ARHGEF25: variants seen among roughly 807,000 people sequenced by gnomAD.
ARHGEF25 encodes Rho guanine nucleotide exchange factor 25.
Under a neutral mutation model 74.0 loss-of-function variants are expected in ARHGEF25, and 42 were observed. The ratio of observed to expected loss-of-function variants is 0.57; its 90% CI spans 0.44 to 0.73. ARHGEF25 has a LOEUF of 0.73. Ranked by LOEUF, ARHGEF25 falls within the 30% of genes least tolerant of loss-of-function variation. The pLI is 0.00. For synonymous variants in ARHGEF25, 293 were observed against 278.6 expected (o/e 1.05, Z -0.51); for missense variants, 645 against 725.5 (o/e 0.89, Z 1.27).
chr12:57,615,650 G>C lies in ARHGEF25; in HGVS notation c.1177G>C (p.Ala393Pro). 6.2e-7 allele frequency: 1 copy of C among 1,614,184 alleles called. No individual in the cohort carries two copies. The highest frequency in any genetic ancestry group is 1.1e-5 in the South Asian group (1 of 91,084). Residue 393 changes from alanine to proline, a missense_variant, in exon 12 of 15, where the codon GCC becomes CCC. By Grantham distance (27) the Ala-to-Pro change is conservative (BLOSUM62 -1). This residue lies in a region of ARHGEF25 where 262 missense variants were observed against 256.9 expected (regional missense o/e 1.02). Coordinates refer to ENST00000286494, the MANE Select transcript of ARHGEF25 (RefSeq NM_182947.4). ...TGAGCAAATCATCATCTTCAGTGAA[G>C]CCCTGGGAGGAGGAGTGAGAGGTGG... is the stretch of plus-strand genomic sequence containing the variant. ...LFEQIIIFSEALGGGVRGGTQ... is the reference protein window; with the variant it reads ...LFEQIIIFSEPLGGGVRGGTQ...
In ARHGEF25 at chr12:57,615,440, C is replaced by T. The variant is rs541242641; in HGVS notation, c.1039-72C>T. On this transcript the variant is annotated intron_variant, in intron 11 of 14. Coordinates refer to ENST00000286494, the MANE Select transcript of ARHGEF25 (RefSeq NM_182947.4). ...CCCATGGTTGGTTGGGCATGTCAGGCGAGGAAGGGAGGAGCAGAGAATTGT... is the reference window on the plus strand; with the variant it reads ...CCCATGGTTGGTTGGGCATGTCAGGTGAGGAAGGGAGGAGCAGAGAATTGT... The T allele has an allele frequency of 2.5e-4, 399 of 1,599,942 alleles. 1 individual carries two copies. The highest frequency in any genetic ancestry group is 6.7e-4 in the East Asian group (30 of 44,692).
rs1189704728 is a variant in ARHGEF25 at position 57,616,465 on chromosome 12, G to A, written c.1602G>A (p.Val534=). The A allele has an allele frequency of 2.5e-6, 4 of 1,614,100 alleles. No homozygotes were observed. The highest frequency in any genetic ancestry group is 3.4e-6 in the Non-Finnish European group (4 of 1,180,020). The change falls in exon 14 of 15, where the codon GTG becomes GTA. Residue 534 remains valine (V), a synonymous_variant. Transcript: ENST00000286494. ...TGCTGCTGTCACCCAAAGGGGAGGT[G>A]GCCAGAGCCCTCTTGCCACTGGATA... is the stretch of plus-strand genomic sequence containing the variant. ...PSLLLSPKGE[V]ARALLPLDKQ...
intron 5 of ARHGEF25, 61 bp downstream of exon 5, chr12:57,613,821 T>C (rs1439780551): frequency 2.5e-6 from 4 of 1,590,450 alleles, no homozygotes; most frequent in Non-Finnish European, 3.4e-6. Flanking sequence ...CCAGGGCTAT[T>C]TTCAGGAGGT....
chr12:57,613,499 G>A lies in ARHGEF25; in HGVS notation c.468G>A (p.Lys156=), dbSNP rs542498887. 13 of 1,614,228 alleles carry A rather than the reference G, an allele frequency of 8.1e-6. No homozygotes were observed. The African/African-American group carries it at 1.7e-4, about 22-fold the overall frequency. The change falls in exon 4 of 15, where the codon AAG becomes AAA. Residue 156 remains lysine (K), a synonymous_variant. Coordinates refer to ENST00000286494, the MANE Select transcript of ARHGEF25 (RefSeq NM_182947.4). ...AGAGTGAGGAGGAACAGAAGAAGAA[G>A]GCTCTGGAAAGGAGTATGTAAGTGT... ...APESEEEQKK[K]ALERSMYVLS...
At position 57,613,050 on chromosome 12, in the gene ARHGEF25, G is replaced by C. The variant is rs551752562; in HGVS notation, c.218G>C (p.Gly73Ala). ...GGCCCCTGTTCCCCAGGCCCCCCAG[G>C]GCCCGTCAGTGGCCTGAGGAGATGG... is the stretch of plus-strand genomic sequence containing the variant. ...SSGPCSPGPP[G>A]PVSGLRRWLD... Residue 73 changes from glycine to alanine, a missense_variant, in exon 2 of 15, where the codon GGG becomes GCG. By Grantham distance (60) the Gly-to-Ala change is moderately conservative (BLOSUM62 0). Around this residue, in one of 3 missense-constraint regions of ARHGEF25, gnomAD observed 189 missense variants for 199.1 expected, o/e 0.95. Transcript: ENST00000286494. 2 of 1,614,152 alleles carry C rather than the reference G, an allele frequency of 1.2e-6. No individual in the cohort carries two copies. The highest frequency in any genetic ancestry group is 2.7e-5 in the African/African-American group (2 of 75,046).
chr12:57,613,299 G>A lies in ARHGEF25; in HGVS notation c.348G>A (p.Glu116=), dbSNP rs762840477. 4 of 1,614,232 alleles carry A rather than the reference G, an allele frequency of 2.5e-6. No individual in the cohort carries two copies. In the Admixed American group the frequency reaches 6.7e-5, roughly 27 times the overall value. The change falls in exon 3 of 15, where the codon GAG becomes GAA. Residue 116 remains glutamate, a synonymous_variant. Coordinates refer to ENST00000286494, the MANE Select transcript of ARHGEF25 (RefSeq NM_182947.4). ...WMLEPALATG[E]ELPELTLLTT... ...TGGAGCCAGCTCTAGCCACAGGAGA[G>A]GAGCTGCCGGAACTGACCTTGCTGA...
At position 57,613,745 on chromosome 12, in the gene ARHGEF25, G is replaced by T; in HGVS notation, c.537G>T (p.Leu179Phe). 1.9e-6 allele frequency: 3 copies of T among 1,614,110 alleles called. No homozygotes were observed. Among genetic ancestry groups the T allele is most frequent in the Non-Finnish European group, 2.5e-6 (3 of 1,180,012 alleles). Residue 179 changes from leucine to phenylalanine, a missense_variant, in exon 5 of 15, where the codon TTG (leucine) becomes TTT (phenylalanine). Around this residue, in one of 3 missense-constraint regions of ARHGEF25, gnomAD observed 194 missense variants for 269.4 expected, o/e 0.72. Coordinates refer to ENST00000286494, the MANE Select transcript of ARHGEF25 (RefSeq NM_182947.4). Reference sequence around the variant, plus strand: ...CAGAGAAAATGTACGTGGACGACTTGGGGCAGATTGTGGAGGTAGCTCCCT... The same window carrying T: ...CAGAGAAAATGTACGTGGACGACTTTGGGCAGATTGTGGAGGTAGCTCCCT... ...VETEKMYVDDLGQIVEGYMAT... is the reference protein window; with the variant it reads ...VETEKMYVDDFGQIVEGYMAT...
At chr12:57,610,369 G>A, upstream of ARHGEF25, 1 of 1,313,832 alleles carries the variant, frequency 7.6e-7, no homozygotes, top group Non-Finnish European at 1.0e-6. Flanking sequence ...CTTCAGGAGG[G>A]CTGCACCCAC....
Position 57,613,323 on chromosome 12 carries a change from G to T in ARHGEF25, c.372G>T (p.Leu124=). ...TGEELPELTL[L]TTLLEGPGDK... is the part of the protein sequence containing the mutation. ...AGGAGCTGCCGGAACTGACCTTGCT[G>T]ACCACACTGTTGGAGGGCCCTGGAG... The change falls in exon 3 of 15, where the codon CTG becomes CTT. Residue 124 remains leucine, a synonymous_variant. Transcript: ENST00000286494. 2 of 1,614,216 alleles carry T rather than the reference G, an allele frequency of 1.2e-6. No individual in the cohort carries two copies. The highest frequency in any genetic ancestry group is 2.2e-5 in the South Asian group (2 of 91,064).
Position 57,616,942 on chromosome 12 carries a change from A to G in ARHGEF25, c.*48A>G, listed in dbSNP as rs780444677. On this transcript the variant is annotated 3_prime_UTR_variant, in exon 15 of 15. Coordinates refer to ENST00000286494, the MANE Select transcript of ARHGEF25 (RefSeq NM_182947.4). Reference sequence around the variant, plus strand: ...TGCTGACTCAGCCGCCTATTCCCCAAGGAGCTTCAGGGCAGTCCTTCTGGC... The same window carrying G: ...TGCTGACTCAGCCGCCTATTCCCCAGGGAGCTTCAGGGCAGTCCTTCTGGC... 1 of 1,432,040 alleles carries G rather than the reference A, an allele frequency of 7.0e-7. No homozygotes were observed. The highest frequency in any genetic ancestry group is 9.8e-7 in the Non-Finnish European group (1 of 1,018,658). The allele number at this position is 1,432,040 out of a possible 1,614,324, so 88.7% of individuals were successfully genotyped here. A position where few individuals can be genotyped will look rare whatever the true frequency, so the allele number is the denominator to read the frequency against.
chr12:57,610,955 T>C (rs1594956981), upstream of ARHGEF25, among the ~76,000 whole-genome samples: 4 of 152,174 alleles, frequency 2.6e-5, no homozygotes, highest in Admixed American at 2.6e-4. Context: ...TGGCGATTAG[T>C]CTTAGCTGGA....
At position 57,614,859 on chromosome 12, in the gene ARHGEF25, G is replaced by A; in HGVS notation, c.909+78G>A. 3 of 1,573,250 alleles carry A rather than the reference G, an allele frequency of 1.9e-6. No individual in the cohort carries two copies. The highest frequency in any genetic ancestry group is 1.1e-5 in the South Asian group (1 of 87,302). The stretch of plus-strand genomic sequence containing the variant: ...CATTCATCTCCCCAGGGTTCTTAGG[G>A]CTCCCCCAGACTTCCTGAGGGCCCT... On this transcript the variant is annotated intron_variant, in intron 9 of 14. Transcript: ENST00000286494. This position sits in a 1 kb window ranked among gnomAD's most constrained non-coding sequence, Gnocchi z 4.6.
At position 57,616,366 on chromosome 12, in the gene ARHGEF25, C is replaced by T. The variant is rs115485566; in HGVS notation, c.1503C>T (p.Ser501=). ...GGCCAAGAGGGCCTGGAGTGGGGAG[C>T]CCTGGAAGAATTCAGCTTGGAGATC... ...LGRPRGPGVG[S]PGRIQLGDQA... The change falls in exon 14 of 15, where the codon AGC becomes AGT. Residue 501 remains serine, a synonymous_variant. Coordinates refer to ENST00000286494, the MANE Select transcript of ARHGEF25 (RefSeq NM_182947.4). The T allele has an allele frequency of 1.9e-6, 3 of 1,614,078 alleles. No homozygotes were observed. The highest frequency in any genetic ancestry group is 8.5e-7 in the Non-Finnish European group (1 of 1,180,020).
chr12:57,610,693 C>T, upstream of ARHGEF25: 1 of 1,601,978 alleles, frequency 6.2e-7, no homozygotes, highest in Middle Eastern at 1.7e-4. Context: ...CGGTAAGAAG[C>T]TGGGGGTGGG....
At chr12:57,612,083 T>G in intron 1 of ARHGEF25, 92 bp downstream of exon 1, 1 of 1,024,436 alleles carries the variant, frequency 9.8e-7, no homozygotes, top group Non-Finnish European at 1.3e-6. Flanking sequence ...GATTTAGGGT[T>G]GGAGACTGTA....
In ARHGEF25 at chr12:57,611,624, C is replaced by T; in HGVS notation, c.-271C>T. ...CCACTGGACATCTGGACCCTAGGCCCCCGCACCGACAGGGTTCCGGAAACC... is the reference window on the plus strand; with the variant it reads ...CCACTGGACATCTGGACCCTAGGCCTCCGCACCGACAGGGTTCCGGAAACC... On this transcript the variant is annotated 5_prime_UTR_variant, in exon 1 of 15. Transcript: ENST00000286494. This position sits in a 1 kb window ranked among gnomAD's most constrained non-coding sequence, Gnocchi z 4.5. 1 of 1,048,470 alleles carries T rather than the reference C, an allele frequency of 9.5e-7. No individual in the cohort carries two copies. Among genetic ancestry groups the T allele is most frequent in the Non-Finnish European group, 1.1e-6 (1 of 870,760 alleles). The allele number at this position is 1,048,470 out of a possible 1,614,324, so 64.9% of individuals were successfully genotyped here. A position where few individuals can be genotyped will look rare whatever the true frequency, so the allele number is the denominator to read the frequency against.
chr12:57,616,585 C>A lies in ARHGEF25; in HGVS notation c.1632+90C>A, dbSNP rs1388144792. The A allele has an allele frequency of 2.7e-5, 34 of 1,264,536 alleles. No homozygotes were observed. The Admixed American group carries it at 7.2e-4, about 27-fold the overall frequency. 78.3% of individuals were successfully genotyped at this position (1,264,536 alleles called of 1,614,324 possible). A position where few individuals can be genotyped will look rare whatever the true frequency, so the allele number is the denominator to read the frequency against. On this transcript the variant is annotated intron_variant, in intron 14 of 14. Coordinates refer to ENST00000286494, the MANE Select transcript of ARHGEF25 (RefSeq NM_182947.4). ...CCCAAGTTCCCTCCCCATATCATTCCTTCCTTTTATCTGGTCCTTCCTACT... is the reference window on the plus strand; with the variant it reads ...CCCAAGTTCCCTCCCCATATCATTCATTCCTTTTATCTGGTCCTTCCTACT...
rs1305396125 is a variant in ARHGEF25, at chr12:57,614,430, G to A, written c.726+30G>A. ...GGCTTGAGGGGGCAGGGCCTGGGGC[G>A]GGGCTTAGGAATGGGCTGGGATTCT... On this transcript the variant is annotated intron_variant, in intron 7 of 14. Transcript: ENST00000286494. The surrounding 1 kb of genome is among the most constrained non-coding windows in gnomAD (Gnocchi z 4.6). The A allele has an allele frequency of 1.9e-6, 3 of 1,614,044 alleles. No homozygotes were observed. The East Asian group carries it at 6.7e-5, about 36-fold the overall frequency.
At chr12:57,613,591 C>G in intron 4 of ARHGEF25, 75 bp downstream of exon 4, 1 of 1,611,950 alleles carries the variant, frequency 6.2e-7, no homozygotes, top group Non-Finnish European at 8.5e-7. Flanking sequence ...ATGGAATTTC[C>G]TCCAAGGTTG....
Sources: allele counts gnomAD v4.1 joint callset (sites outside exome capture counted in the v4.1 genomes callset), GRCh38; gene constraint gnomAD v4.1.1; regional missense constraint gnomAD v4.1.1; non-coding constraint Gnocchi (gnomAD v3.1); transcripts MANE v1.5; gene names NCBI Gene and HGNC (gene_info 2026-07-23, HGNC 2026-07-21).